The following ARIH2 variants were observed in gnomAD, a reference collection of about 807,000 sequenced individuals.
ARIH2 encodes ariadne RBR E3 ubiquitin protein ligase 2, also known as E3 ubiquitin-protein ligase ARIH2.
A neutral mutation model predicts 79.8 loss-of-function variants in ARIH2; 12 were observed. That is an observed-to-expected ratio of 0.15 (90% CI 0.10 to 0.24). ARIH2 has a LOEUF of 0.24. Among genes scored for constraint, ARIH2 ranks in the 10% least tolerant of loss-of-function variants. The pLI is 1.00. For missense variants in ARIH2, 301 were observed against 618.3 expected (o/e 0.49, Z 5.44); for synonymous variants, 224 against 213.9 (o/e 1.05, Z -0.41).
At chr3:48,924,508 T>A (rs1260636952) in intron 2 of ARIH2, among the ~76,000 whole-genome samples, 1 of 151,728 alleles carries the variant, frequency 6.6e-6, no homozygotes, top group East Asian at 1.9e-4. Context: ...ATGCCTGTCT[T>A]ATTTTATTTA....
intron 3 of ARIH2, among the ~76,000 whole-genome samples, chr3:48,932,279 A>G (rs1343317005): frequency 6.6e-6 from 1 of 152,184 alleles, no homozygotes; most frequent in Non-Finnish European, 1.5e-5. Flanking sequence ...TCCTACACAA[A>G]TCACAAATGG....
At chr3:48,979,367 A>T (rs1057135314) in intron 11 of ARIH2, 115 bp from the exon 12 acceptor site, 8 of 1,076,304 alleles carry the variant, frequency 7.4e-6, no homozygotes, top group Non-Finnish European at 9.4e-6. Flanking sequence ...ACCCTTGGGA[A>T]GTTGTGTTCA....
chr3:48,960,081 A>T (rs1418379089), intron 3 of ARIH2, among the ~76,000 whole-genome samples: 1 of 152,206 alleles, frequency 6.6e-6, no homozygotes, highest in Non-Finnish European at 1.5e-5. Context: ...CTCTAGCCGT[A>T]AATATGTTCC....
intron 3 of ARIH2, among the ~76,000 whole-genome samples, chr3:48,944,244 C>A (rs1375854241): frequency 6.6e-6 from 1 of 151,794 alleles, no homozygotes; most frequent in Non-Finnish European, 1.5e-5. Flanking sequence ...TAATGGGTTT[C>A]ATTATACTCT....
chr3:48,965,030 C>G (rs1039652881), intron 5 of ARIH2, 48 bp downstream of exon 5: 1 of 1,555,712 alleles, frequency 6.4e-7, no homozygotes, highest in Non-Finnish European at 8.9e-7. Context: ...GCATGTGGTT[C>G]TTGCTTTGGC....
chr3:48,927,726 C>T lies in ARIH2; in HGVS notation c.168C>T (p.Pro56=), dbSNP rs746747056. 6.2e-6 allele frequency: 10 copies of T among 1,614,190 alleles called. No homozygotes were observed. The highest frequency in any genetic ancestry group is 2.2e-5 in the East Asian group (1 of 44,888). ...VEQQGADAFD[P]EEYQFTCLTY... ...AGCAGGGGGCTGATGCCTTTGATCC[C>T]GAGGAGTACCAGTTCACTTGCTTGA... The change falls in exon 3 of 16, where the codon CCC becomes CCT. Residue 56 remains proline (P), a synonymous_variant. Transcript: ENST00000356401.
intron 13 of ARIH2, among the ~76,000 whole-genome samples, chr3:48,981,408 A>G (rs1354874245): frequency 6.6e-6 from 1 of 152,136 alleles, no homozygotes; most frequent in Non-Finnish European, 1.5e-5. Context: ...CAAGAGGGAA[A>G]ATCCATTGAG....
intron 11 of ARIH2, among the ~76,000 whole-genome samples, chr3:48,975,354 T>C (rs1244665497): frequency 6.6e-6 from 1 of 152,198 alleles, no homozygotes; most frequent in African/African-American, 2.4e-5. Flanking sequence ...AAATAATGGT[T>C]TTCCCTTGCC....
intron 11 of ARIH2, among the ~76,000 whole-genome samples, chr3:48,977,960 T>C (rs565585610): frequency 4.3e-4 from 65 of 152,260 alleles, no homozygotes; most frequent in South Asian, 3.9e-3. Flanking sequence ...GAGTGAATCC[T>C]GGGAAACAGG....
chr3:48,977,415 C>T (rs529179753), intron 11 of ARIH2, among the ~76,000 whole-genome samples: 1 of 151,802 alleles, frequency 6.6e-6, no homozygotes, highest in Non-Finnish European at 1.5e-5. Flanking sequence ...AAGCAATTAT[C>T]CTTGCTCGGC....
chr3:48,967,626 C>T (rs1203667522), intron 6 of ARIH2, among the ~76,000 whole-genome samples: 2 of 152,290 alleles, frequency 1.3e-5, no homozygotes, highest in East Asian at 3.9e-4. Context: ...TAACATAGCA[C>T]AAATCAAATT....
chr3:48,962,326 G>A (rs1049342992), intron 4 of ARIH2, among the ~76,000 whole-genome samples: 8 of 151,922 alleles, frequency 5.3e-5, no homozygotes, highest in African/African-American at 1.2e-4. Context: ...GCAGTGAGCC[G>A]AGATTGTGCC....
chr3:48,950,667 C>T (rs1284403357), intron 3 of ARIH2, among the ~76,000 whole-genome samples: 1 of 152,064 alleles, frequency 6.6e-6, no homozygotes, highest in Admixed American at 6.5e-5. Flanking sequence ...GTGGCCATTG[C>T]TCATTTGAAA....
intron 14 of ARIH2, chr3:48,982,604 T>G (rs186705932): frequency 8.4e-5 from 27 of 322,154 alleles, no homozygotes; most frequent in African/African-American, 4.9e-4. Context: ...CCATTCCCTT[T>G]CATGTTGGGA....
chr3:48,961,587 G>T, intron 3 of ARIH2, 25 bp from the exon 4 acceptor site: 1 of 1,444,028 alleles, frequency 6.9e-7, no homozygotes, highest in South Asian at 1.1e-5. Context: ...GTTATAATTC[G>T]ATTTTTTTTC....
intron 15 of ARIH2, 86 bp downstream of exon 15, chr3:48,983,065 T>C: frequency 6.7e-7 from 1 of 1,491,754 alleles, no homozygotes; most frequent in Non-Finnish European, 9.3e-7. Flanking sequence ...GCTTGTGCAC[T>C]GGTAGCTGCT....
chr3:48,969,302 T>A (rs1281296368), intron 7 of ARIH2, among the ~76,000 whole-genome samples: 1 of 151,920 alleles, frequency 6.6e-6, no homozygotes, highest in African/African-American at 2.4e-5. Context: ...ATTAGGCATA[T>A]TTAGGAGCTG....
intron 12 of ARIH2, 89 bp downstream of exon 12, chr3:48,979,722 C>T (rs1576559124): frequency 7.0e-7 from 1 of 1,424,592 alleles, no homozygotes; most frequent in Admixed American, 2.0e-5. Flanking sequence ...GTAGACAGAG[C>T]TAGCCTGTGC....
chr3:48,968,553 G>C lies in ARIH2; in HGVS notation c.558G>C (p.Gln186His). 1.9e-6 allele frequency: 3 copies of C among 1,610,576 alleles called. No individual in the cohort carries two copies. The highest frequency in any genetic ancestry group is 2.5e-6 in the Non-Finnish European group (3 of 1,177,570). ...CAACAGGAGTCTCTTGCATGGCTCA[G>C]GACTGTCCACTCCGTACACCAGAGG... ...GVGVGVSCMA[Q>H]DCPLRTPEDF... The change falls in exon 7 of 16, where the codon CAG (glutamine) becomes CAC (histidine). Residue 186 changes from glutamine (Q) to histidine (H), a missense_variant. Around this residue, in one of 2 missense-constraint regions of ARIH2, gnomAD observed 223 missense variants for 349.4 expected, o/e 0.64. Coordinates refer to ENST00000356401, the MANE Select transcript of ARIH2 (RefSeq NM_006321.4).
Sources: allele counts gnomAD v4.1 joint callset (sites outside exome capture counted in the v4.1 genomes callset), GRCh38; gene constraint gnomAD v4.1.1; regional missense constraint gnomAD v4.1.1; transcripts MANE v1.5; gene names NCBI Gene and HGNC (gene_info 2026-07-23, HGNC 2026-07-21).